The following IL1RAPL1 variants were observed in gnomAD, a reference collection of about 807,000 sequenced individuals.
IL1RAPL1 encodes interleukin 1 receptor accessory protein like 1, also known as interleukin-1 receptor accessory protein-like 1.
Under a neutral mutation model 48.4 loss-of-function variants are expected in IL1RAPL1, and 3 were observed. The observed-to-expected ratio is 0.06, with a 90% CI of 0.03 to 0.16. IL1RAPL1 has a LOEUF of 0.16. Among genes scored for constraint, IL1RAPL1 ranks in the 10% least tolerant of loss-of-function variants. IL1RAPL1 has a pLI of 1.00. For synonymous variants in IL1RAPL1, 185 were observed against 187.7 expected (o/e 0.99, Z 0.12); for missense variants, 349 against 530.6 (o/e 0.66, Z 3.36).
At chrX:29,187,869 T>C (rs1312611122) in intron 2 of IL1RAPL1, among the ~76,000 whole-genome samples, 1 of 111,377 alleles carries the variant, frequency 9.0e-6, no homozygotes, top group African/African-American at 3.3e-5. Context: ...CAAACTGACA[T>C]TGACCAGCCT....
intron 5 of IL1RAPL1, among the ~76,000 whole-genome samples, chrX:29,647,454 A>C (rs1223077994): frequency 9.6e-6 from 1 of 104,620 alleles, no homozygotes; most frequent in African/African-American, 3.8e-5. Context: ...TAATAACTAC[A>C]CTAACTTATT....
chrX:29,686,885 G>T (rs1300517423), intron 6 of IL1RAPL1, among the ~76,000 whole-genome samples: 1 of 109,963 alleles, frequency 9.1e-6, no homozygotes, highest in African/African-American at 3.3e-5. Context: ...CATCTGGAAG[G>T]GAAGCTGAGC....
At chrX:28,960,844 TAA>T (rs1179225838) in intron 2 of IL1RAPL1, among the ~76,000 whole-genome samples, 1 of 107,992 alleles carries the variant, frequency 9.3e-6, no homozygotes, top group Non-Finnish European at 1.9e-5. Context: ...CCGTCTCTAC[TAA>T]AAAAATACAA....
At chrX:29,030,066 G>A (rs1386290668) in intron 2 of IL1RAPL1, among the ~76,000 whole-genome samples, 1 of 109,255 alleles carries the variant, frequency 9.2e-6, no homozygotes, top group Non-Finnish European at 1.9e-5. Context: ...ATTTATATGG[G>A]ATCTATTTCT....
At chrX:29,219,985 A>G (rs1449575582) in intron 2 of IL1RAPL1, among the ~76,000 whole-genome samples, 6 of 110,519 alleles carry the variant, frequency 5.4e-5, no homozygotes, top group Non-Finnish European at 1.1e-4. Flanking sequence ...TGGCAATAGG[A>G]GTCCTGTGGG....
chrX:29,474,695 C>T (rs1934955139), intron 5 of IL1RAPL1, among the ~76,000 whole-genome samples: 2 of 111,673 alleles, frequency 1.8e-5, no homozygotes, highest in South Asian at 7.6e-4. Flanking sequence ...AACCAGATCT[C>T]ATGTGAAACT....
intron 2 of IL1RAPL1, among the ~76,000 whole-genome samples, chrX:28,958,167 T>G (rs1924667658): frequency 9.1e-6 from 1 of 110,471 alleles, no homozygotes; most frequent in Non-Finnish European, 1.9e-5. Flanking sequence ...TTTTAAAGAA[T>G]ATATTGATAT....
At chrX:29,747,541 T>A (rs975556825) in intron 6 of IL1RAPL1, among the ~76,000 whole-genome samples, 1 of 112,112 alleles carries the variant, frequency 8.9e-6, no homozygotes, top group African/African-American at 3.2e-5. Context: ...TTAGGAAGAC[T>A]AAAGTCACAG....
chrX:28,928,016 A>T (rs1474522541), intron 2 of IL1RAPL1, among the ~76,000 whole-genome samples: 9 of 110,933 alleles, frequency 8.1e-5, no homozygotes, highest in Non-Finnish European at 1.9e-5. Flanking sequence ...TGACATACCC[A>T]TGGGAGTACG....
intron 2 of IL1RAPL1, among the ~76,000 whole-genome samples, chrX:29,268,159 A>T (rs1931985951): frequency 8.9e-6 from 1 of 111,754 alleles, no homozygotes; most frequent in Admixed American, 9.6e-5. Flanking sequence ...CGACTGAGTG[A>T]ATGATATTTT....
chrX:29,452,927 T>C (rs1273935597), intron 5 of IL1RAPL1, among the ~76,000 whole-genome samples: 4 of 91,392 alleles, frequency 4.4e-5, no homozygotes, highest in African/African-American at 1.6e-4. Context: ...TTTTTTTTTT[T>C]TTTTTTTTTT....
chrX:28,727,921 G>A (rs901716701), intron 1 of IL1RAPL1, among the ~76,000 whole-genome samples: 1 of 108,967 alleles, frequency 9.2e-6, no homozygotes, highest in African/African-American at 3.3e-5. Context: ...GGACTGTTGT[G>A]GGGTGGGGGA....
At chrX:28,800,053 C>T (rs983990889) in intron 2 of IL1RAPL1, among the ~76,000 whole-genome samples, 5 of 111,427 alleles carry the variant, frequency 4.5e-5, no homozygotes, top group Non-Finnish European at 7.5e-5. Flanking sequence ...GCCAGAAGCC[C>T]GAAATCAAAG....
chrX:28,873,219 TCGTTA>T (rs1249569579), intron 2 of IL1RAPL1, among the ~76,000 whole-genome samples: 1 of 104,908 alleles, frequency 9.5e-6, no homozygotes, highest in Non-Finnish European at 1.9e-5. Context: ...CAAGCGATTC[TCGTTA>T]CTCAGCCTCC....
At chrX:28,899,296 C>T (rs1923014569) in intron 2 of IL1RAPL1, among the ~76,000 whole-genome samples, 1 of 111,277 alleles carries the variant, frequency 9.0e-6, no homozygotes, top group African/African-American at 3.3e-5. Context: ...TGGCTGGGGA[C>T]ATAAAACCTA....
At chrX:28,859,351 T>C (rs373833692) in intron 2 of IL1RAPL1, among the ~76,000 whole-genome samples, 12 of 112,012 alleles carry the variant, frequency 1.1e-4, no homozygotes, top group African/African-American at 3.6e-4. Flanking sequence ...CTCCGCCTCC[T>C]GGGTTCAAGC....
intron 6 of IL1RAPL1, among the ~76,000 whole-genome samples, chrX:29,870,475 C>T (rs145109261): frequency 0.029 from 3,281 of 111,781 alleles, 135 homozygotes; most frequent in African/African-American, 0.1. Flanking sequence ...CAAATCACAG[C>T]TCCGATAGGC....
intron 5 of IL1RAPL1, among the ~76,000 whole-genome samples, chrX:29,596,076 T>G (rs182345664): frequency 3.2e-4 from 36 of 112,157 alleles, no homozygotes; most frequent in African/African-American, 1.0e-3. Context: ...TCTATTCTGT[T>G]CCATTGGTCT....
intron 6 of IL1RAPL1, among the ~76,000 whole-genome samples, chrX:29,756,158 G>C (rs1024574203): frequency 2.7e-5 from 3 of 111,569 alleles, no homozygotes; most frequent in African/African-American, 9.8e-5. Context: ...TTATCTCCTA[G>C]TATACTGAAA....
Sources: gnomAD v4.1 joint callset for allele counts (sites outside exome capture counted in the v4.1 genomes callset) on GRCh38, gnomAD v4.1.1 for gene constraint, MANE v1.5 for transcripts, NCBI Gene and HGNC (gene_info 2026-07-23, HGNC 2026-07-21) for gene names.